PDZRN4: variants seen among roughly 807,000 people sequenced by gnomAD.
The protein encoded by PDZRN4 is PDZ domain-containing RING finger protein 4.
Under a neutral mutation model 99.0 loss-of-function variants are expected in PDZRN4, and 70 were observed. The observed-to-expected ratio is 0.71, with a 90% confidence interval of 0.58 to 0.86. The LOEUF is 0.86. Ranked by LOEUF, PDZRN4 falls within the 40% of genes least tolerant of loss-of-function variation. The pLI is 0.00. For missense variants in PDZRN4, 1,474 were observed against 1,331.2 expected, an observed-to-expected ratio of 1.11 and a Z score of -1.67; for synonymous variants, 551 against 501.6, an observed-to-expected ratio of 1.10 and a Z score of -1.32.
chr12:41,217,883 GAA>G (rs1950931581), intron 3 of PDZRN4, among the ~76,000 whole-genome samples: 1 of 151,926 alleles, frequency 6.6e-6, no homozygotes, highest in Non-Finnish European at 1.5e-5. Context: ...CTTCACTGAA[GAA>G]ATACTGAAAA....
At chr12:41,519,897 T>C (rs1938465541) in intron 5 of PDZRN4, among the ~76,000 whole-genome samples, 1 of 152,096 alleles carries the variant, frequency 6.6e-6, no homozygotes, top group Admixed American at 6.6e-5. Flanking sequence ...TATAATGAAA[T>C]GTAAACTCCA....
chr12:41,469,657 C>A (rs1438920752), intron 3 of PDZRN4, among the ~76,000 whole-genome samples: 3 of 152,116 alleles, frequency 2.0e-5, no homozygotes, highest in Non-Finnish European at 4.4e-5. Flanking sequence ...TCTTGCTGGG[C>A]AGGGTGGCTC....
At chr12:41,290,174 A>G (rs1951448357) in intron 3 of PDZRN4, among the ~76,000 whole-genome samples, 2 of 152,214 alleles carry the variant, frequency 1.3e-5, no homozygotes. Flanking sequence ...GCTCAGATGA[A>G]AGATGATTTA....
intron 3 of PDZRN4, among the ~76,000 whole-genome samples, chr12:41,474,522 C>T (rs146881505): frequency 1.8e-4 from 27 of 152,262 alleles, no homozygotes; most frequent in Non-Finnish European, 2.4e-4. Flanking sequence ...AGTTTGTAAA[C>T]GATGGAGTTG....
intron 5 of PDZRN4, among the ~76,000 whole-genome samples, chr12:41,550,407 G>A (rs1412398373): frequency 6.6e-6 from 1 of 152,134 alleles, no homozygotes; most frequent in African/African-American, 2.4e-5. Flanking sequence ...TACATACCTT[G>A]TTGCTGTAAT....
At chr12:41,427,018 C>G (rs1952542476) in intron 3 of PDZRN4, among the ~76,000 whole-genome samples, 1 of 152,172 alleles carries the variant, frequency 6.6e-6, no homozygotes. Context: ...TAGAAGCCAG[C>G]ATAAAGTATG....
At chr12:41,496,661 C>A (rs763848381) in intron 3 of PDZRN4, among the ~76,000 whole-genome samples, 2 of 152,108 alleles carry the variant, frequency 1.3e-5, no homozygotes, top group African/African-American at 4.8e-5. Flanking sequence ...ATGTGGACAA[C>A]TGGGCTACAG....
rs936934151 is a variant in PDZRN4, at chr12:41,555,144, T to C, written c.1303-554T>C. Among the ~76,000 whole-genome samples the C allele has an allele frequency of 1.1e-3, 158 of 139,766 alleles. 1 individual carries two copies. The highest frequency in any genetic ancestry group is 4.1e-3 in the African/African-American group (152 of 37,002). 91.7% of individuals were successfully genotyped at this position (139,766 alleles called of 152,430 possible). Reference sequence around the variant, plus strand: ...TACTCGGGAGTCTGAGGCAGGAGAATGGCATGAACCCGAGAGGCGGAGCTT... The same window carrying C: ...TACTCGGGAGTCTGAGGCAGGAGAACGGCATGAACCCGAGAGGCGGAGCTT... On this transcript the variant is annotated intron_variant, in intron 6 of 9. Coordinates refer to ENST00000402685, the MANE Select transcript of PDZRN4 (RefSeq NM_001164595.2).
chr12:41,466,570 T>C (rs142478777), intron 3 of PDZRN4, among the ~76,000 whole-genome samples: 2 of 152,272 alleles, frequency 1.3e-5, no homozygotes, highest in Non-Finnish European at 2.9e-5. Context: ...TTTCCTTCTC[T>C]CCACTCTTAC....
At chr12:41,444,517 C>T (rs1034145066) in intron 3 of PDZRN4, among the ~76,000 whole-genome samples, 1 of 152,144 alleles carries the variant, frequency 6.6e-6, no homozygotes, top group Non-Finnish European at 1.5e-5. Flanking sequence ...ATATTCTCAG[C>T]ATTGGCTTAC....
chr12:41,208,023 T>A (rs147299042), intron 3 of PDZRN4, among the ~76,000 whole-genome samples: 1,890 of 151,972 alleles, frequency 0.012, 16 homozygotes, highest in Middle Eastern at 0.054. Context: ...TTGTAATAGC[T>A]TTCATTATTG....
intron 3 of PDZRN4, among the ~76,000 whole-genome samples, chr12:41,337,727 A>G (rs2121007813): frequency 6.6e-6 from 1 of 152,224 alleles, no homozygotes; most frequent in Non-Finnish European, 1.5e-5. Flanking sequence ...CCTTGATCCC[A>G]GGGTTCAGCT....
chr12:41,274,271 T>C (rs1007209693), intron 3 of PDZRN4, among the ~76,000 whole-genome samples: 1 of 152,128 alleles, frequency 6.6e-6, no homozygotes, highest in African/African-American at 2.4e-5. Context: ...CTGTGTATTG[T>C]GTAGTTAAAA....
intron 3 of PDZRN4, among the ~76,000 whole-genome samples, chr12:41,343,499 T>C (rs1951831193): frequency 6.6e-6 from 1 of 151,996 alleles, no homozygotes; most frequent in Non-Finnish European, 1.5e-5. Flanking sequence ...AATAACTACC[T>C]GTATGCCCAA....
intron 3 of PDZRN4, among the ~76,000 whole-genome samples, chr12:41,364,380 T>A (rs1951983374): frequency 6.6e-6 from 1 of 152,046 alleles, no homozygotes; most frequent in Non-Finnish European, 1.5e-5. Context: ...ACAATGAAGG[T>A]TGTAGATAAA....
At chr12:41,462,409 G>C (rs1246266851) in intron 3 of PDZRN4, among the ~76,000 whole-genome samples, 1 of 152,130 alleles carries the variant, frequency 6.6e-6, no homozygotes, top group Admixed American at 6.6e-5. Context: ...ACTCTAAAAA[G>C]GTATTGACAT....
At chr12:41,508,089 TA>T (rs1938239023) in intron 4 of PDZRN4, among the ~76,000 whole-genome samples, 1 of 152,196 alleles carries the variant, frequency 6.6e-6, no homozygotes, top group South Asian at 2.1e-4. Context: ...TTGACTCATT[TA>T]GTTCTCACAA....
chr12:41,259,941 C>T (rs1951226713), intron 3 of PDZRN4, among the ~76,000 whole-genome samples: 1 of 152,154 alleles, frequency 6.6e-6, no homozygotes, highest in South Asian at 2.1e-4. Flanking sequence ...AGAGAGAATG[C>T]TGACCTTGAA....
chr12:41,459,188 T>C (rs1462080955), intron 3 of PDZRN4, among the ~76,000 whole-genome samples: 3 of 152,196 alleles, frequency 2.0e-5, no homozygotes, highest in African/African-American at 7.2e-5. Flanking sequence ...GAAGGTGATT[T>C]GTCTGTATTT....
Sources: allele counts gnomAD v4.1 joint callset (sites outside exome capture counted in the v4.1 genomes callset), GRCh38; gene constraint gnomAD v4.1.1; transcripts MANE v1.5; gene names NCBI Gene and HGNC (gene_info 2026-07-23, HGNC 2026-07-21).